Variants in C8orf34 observed in about 807,000 individuals in gnomAD.
The protein encoded by C8orf34 is uncharacterized protein C8orf34.
A neutral mutation model predicts 68.3 loss-of-function variants in C8orf34; 65 were observed. The ratio of observed to expected loss-of-function variants is 0.95; its 90% CI spans 0.78 to 1.17. The LOEUF is 1.17. C8orf34 is among the 50% of genes most tolerant of loss of function. The pLI, the probability that C8orf34 is intolerant of heterozygous loss-of-function variation, is 0.00. For missense variants in C8orf34, 664 were observed against 655.4 expected, an observed-to-expected ratio of 1.01 and a Z score of -0.14; for synonymous variants, 244 against 241.2, an observed-to-expected ratio of 1.01 and a Z score of -0.11.
At chr8:68,742,456 G>T (rs1358371860) in intron 10 of C8orf34, among the ~76,000 whole-genome samples, 2 of 152,190 alleles carry the variant, frequency 1.3e-5, no homozygotes, top group African/African-American at 4.8e-5. Flanking sequence ...ATTCATCTGT[G>T]TAAGCAGCCC....
intron 1 of C8orf34, among the ~76,000 whole-genome samples, chr8:68,382,726 A>G (rs1336912986): frequency 6.6e-6 from 1 of 152,114 alleles, no homozygotes; most frequent in Non-Finnish European, 1.5e-5. Flanking sequence ...CTGCTCTTTA[A>G]AAGTTGAACA....
At chr8:68,599,845 CAAAA>C (rs1025291968) in intron 7 of C8orf34, among the ~76,000 whole-genome samples, 2 of 151,710 alleles carry the variant, frequency 1.3e-5, no homozygotes, top group African/African-American at 4.8e-5. Flanking sequence ...GATGAAAAGA[CAAAA>C]AAGTATATGT....
intron 7 of C8orf34, among the ~76,000 whole-genome samples, chr8:68,616,625 T>C (rs1818223947): frequency 6.6e-6 from 1 of 152,168 alleles, no homozygotes; most frequent in Non-Finnish European, 1.5e-5. Flanking sequence ...AATCCTGAGT[T>C]CTAGTTTGAT....
chr8:68,534,967 A>G, intron 7 of C8orf34: 1 of 985,308 alleles, frequency 1.0e-6, no homozygotes, highest in Non-Finnish European at 1.2e-6. Context: ...TAATAATAAG[A>G]GATAGTTGAA....
chr8:68,802,507 C>T (rs749584207), intron 12 of C8orf34, among the ~76,000 whole-genome samples: 21 of 152,134 alleles, frequency 1.4e-4, no homozygotes, highest in African/African-American at 4.3e-4. Flanking sequence ...AACTTAATTA[C>T]GATTATTATT....
chr8:68,412,135 C>A (rs941466017), intron 1 of C8orf34, among the ~76,000 whole-genome samples: 2 of 152,148 alleles, frequency 1.3e-5, no homozygotes, highest in Non-Finnish European at 2.9e-5. Flanking sequence ...GAACTGTGAA[C>A]AATAAATTCT....
chr8:68,634,502 A>G (rs1239655480), intron 7 of C8orf34, among the ~76,000 whole-genome samples: 1 of 152,070 alleles, frequency 6.6e-6, no homozygotes, highest in African/African-American at 2.4e-5. Context: ...CTCCCTTTCT[A>G]TTATCATAAA....
intron 10 of C8orf34, among the ~76,000 whole-genome samples, chr8:68,774,870 G>A (rs1823461900): frequency 6.7e-6 from 1 of 148,778 alleles, no homozygotes; most frequent in South Asian, 2.1e-4. Flanking sequence ...ACTTTGGGAG[G>A]CTAAGGCAGG....
At chr8:68,515,604 A>G (rs1814477286) in intron 5 of C8orf34, among the ~76,000 whole-genome samples, 1 of 152,164 alleles carries the variant, frequency 6.6e-6, no homozygotes, top group Non-Finnish European at 1.5e-5. Flanking sequence ...GAGAGCCACA[A>G]TCATCTCATT....
chr8:68,397,386 A>G (rs1250663656), intron 1 of C8orf34, among the ~76,000 whole-genome samples: 1 of 152,140 alleles, frequency 6.6e-6, no homozygotes, highest in Non-Finnish European at 1.5e-5. Flanking sequence ...TATCCTAACT[A>G]GGCTCCCAAC....
chr8:68,609,948 C>T (rs1002213447), intron 7 of C8orf34, among the ~76,000 whole-genome samples: 1 of 152,084 alleles, frequency 6.6e-6, no homozygotes, highest in Non-Finnish European at 1.5e-5. Context: ...GGAGTTTCTG[C>T]CAATTCCAAG....
chr8:68,519,032 T>G (rs890223191), intron 5 of C8orf34, among the ~76,000 whole-genome samples: 1 of 152,166 alleles, frequency 6.6e-6, no homozygotes, highest in African/African-American at 2.4e-5. Flanking sequence ...AAAATGTGCT[T>G]CAAAATGAAA....
chr8:68,636,709 T>C (rs1014359130), intron 7 of C8orf34, among the ~76,000 whole-genome samples: 1 of 152,200 alleles, frequency 6.6e-6, no homozygotes, highest in South Asian at 2.1e-4. Flanking sequence ...TACTTGATGA[T>C]TGTTCTGTTG....
At chr8:68,448,266 C>T (rs1811203136) in intron 3 of C8orf34, among the ~76,000 whole-genome samples, 1 of 152,090 alleles carries the variant, frequency 6.6e-6, no homozygotes, top group Non-Finnish European at 1.5e-5. Flanking sequence ...CCTTTTTACT[C>T]AGGTAACCTA....
At chr8:68,550,269 AG>A (rs1388149006) in intron 7 of C8orf34, among the ~76,000 whole-genome samples, 3 of 151,264 alleles carry the variant, frequency 2.0e-5, no homozygotes, top group Non-Finnish European at 4.4e-5. Flanking sequence ...TACTTTTTTT[AG>A]TGGTTGCTAT....
At chr8:68,719,068 A>G (rs982877831) in intron 9 of C8orf34, among the ~76,000 whole-genome samples, 1 of 152,160 alleles carries the variant, frequency 6.6e-6, no homozygotes, top group Admixed American at 6.6e-5. Context: ...GCACATATAT[A>G]CTCACCTGTT....
In C8orf34 at chr8:68,434,773, G is replaced by A. The variant is rs186606715; in HGVS notation, c.328-4726G>A. On this transcript the variant is annotated intron_variant, in intron 1 of 13. Coordinates refer to ENST00000518698, the MANE Select transcript of C8orf34 (RefSeq NM_052958.4). Reference sequence around the variant, plus strand: ...TATTAAGAGAACATTGAGGCTGGGCGCAGTGGCTCATGCCTGTAATCCCAG... The same window carrying A: ...TATTAAGAGAACATTGAGGCTGGGCACAGTGGCTCATGCCTGTAATCCCAG... 7.2e-5 allele frequency among the ~76,000 whole-genome samples: 11 copies of A among 152,278 alleles called. No homozygotes were observed. In the East Asian group the frequency reaches 1.7e-3, roughly 24 times the overall value.
chr8:68,696,372 G>C (rs1375992023), intron 8 of C8orf34, among the ~76,000 whole-genome samples: 1 of 148,272 alleles, frequency 6.7e-6, no homozygotes, highest in African/African-American at 2.5e-5. Flanking sequence ...AGATTATATA[G>C]AGAGATTATA....
At chr8:68,374,377 C>T (rs1356481284) in intron 1 of C8orf34, among the ~76,000 whole-genome samples, 2 of 152,056 alleles carry the variant, frequency 1.3e-5, no homozygotes, top group African/African-American at 2.4e-5. Flanking sequence ...TCATTAAATC[C>T]AGTTTAAAGT....
Sources: gnomAD v4.1 joint callset for allele counts (sites outside exome capture counted in the v4.1 genomes callset) on GRCh38, gnomAD v4.1.1 for gene constraint, MANE v1.5 for transcripts, NCBI Gene and HGNC (gene_info 2026-07-23, HGNC 2026-07-21) for gene names.